BAZ2B: variants seen among roughly 807,000 people sequenced by gnomAD.
BAZ2B encodes the protein bromodomain adjacent to zinc finger domain protein 2B.
BAZ2B carries 91 observed loss-of-function variants against 246.0 expected under a neutral mutation model. The ratio of observed to expected loss-of-function variants is 0.37; its 90% CI spans 0.31 to 0.44. BAZ2B has a LOEUF of 0.44. Ranked by LOEUF, BAZ2B falls within the 20% of genes least tolerant of loss-of-function variation. The probability of loss-of-function intolerance (pLI) is 1.00; values close to 1 mark genes in which losing one functional copy is unlikely to be tolerated. For missense variants in BAZ2B, 2,332 were observed against 2,533.7 expected, an observed-to-expected ratio of 0.92 and a Z score of 1.71; for synonymous variants, 855 against 860.0, an observed-to-expected ratio of 0.99 and a Z score of 0.10.
intron 2 of BAZ2B, among the ~76,000 whole-genome samples, chr2:159,526,386 A>G (rs1029587352): frequency 1.3e-5 from 2 of 152,186 alleles, no homozygotes; most frequent in African/African-American, 4.8e-5. Context: ...GTTCCCATAC[A>G]TGCACATAAA....
At chr2:159,581,798 C>T (rs1200863093) in intron 1 of BAZ2B, among the ~76,000 whole-genome samples, 1 of 151,804 alleles carries the variant, frequency 6.6e-6, no homozygotes, top group Non-Finnish European at 1.5e-5. Flanking sequence ...TGGAAACCAT[C>T]ATTCTGAGCA....
intron 10 of BAZ2B, among the ~76,000 whole-genome samples, chr2:159,429,948 G>T (rs1194722238): frequency 2.0e-5 from 3 of 152,080 alleles, no homozygotes; most frequent in Non-Finnish European, 4.4e-5. Context: ...CATTGAATGA[G>T]AACTGAGAGT....
At chr2:159,445,194 T>G (rs1313735441) in intron 6 of BAZ2B, among the ~76,000 whole-genome samples, 1 of 152,108 alleles carries the variant, frequency 6.6e-6, no homozygotes, top group Admixed American at 6.6e-5. Context: ...ACCCTACTCC[T>G]GGAACCAATG....
intron 1 of BAZ2B, among the ~76,000 whole-genome samples, chr2:159,589,326 C>A (rs7580661): frequency 6.6e-6 from 1 of 151,356 alleles, no homozygotes; most frequent in Non-Finnish European, 1.5e-5. Flanking sequence ...CATTCTAAGC[C>A]AACTTTCATA....
intron 3 of BAZ2B, among the ~76,000 whole-genome samples, chr2:159,474,296 C>A (rs1043386743): frequency 1.3e-5 from 2 of 152,140 alleles, no homozygotes; most frequent in African/African-American, 4.8e-5. Flanking sequence ...GCATTGATCC[C>A]TTTACCATTA....
chr2:159,619,577 T>G (rs1205678680), upstream of BAZ2B, among the ~76,000 whole-genome samples: 1 of 150,640 alleles, frequency 6.6e-6, no homozygotes, highest in Non-Finnish European at 1.5e-5. Context: ...AAAATATATA[T>G]TTAAAATTAT....
At chr2:159,597,779 TTTA>T (rs1276482056) in intron 1 of BAZ2B, among the ~76,000 whole-genome samples, 2 of 152,248 alleles carry the variant, frequency 1.3e-5, no homozygotes, top group East Asian at 1.9e-4. Context: ...TATGTGTATG[TTTA>T]TTGTTACTTT....
chr2:159,709,392 GAGT>G, the BAZ2B span, among the ~76,000 whole-genome samples: 1 of 152,190 alleles, frequency 6.6e-6, no homozygotes, highest in Non-Finnish European at 1.5e-5. Context: ...TTTGATAATA[GAGT>G]AGAATGACTA....
chr2:159,325,473 T>G (rs775875464), intron 35 of BAZ2B, among the ~76,000 whole-genome samples, 180 bp downstream of exon 35: 9 of 151,848 alleles, frequency 5.9e-5, no homozygotes, highest in Non-Finnish European at 1.2e-4. Context: ...AAATTAACAT[T>G]AAAAGAAGAT....
intron 10 of BAZ2B, among the ~76,000 whole-genome samples, chr2:159,429,968 A>T (rs1471889663): frequency 2.0e-5 from 3 of 152,172 alleles, no homozygotes; most frequent in African/African-American, 7.2e-5. Context: ...TAGTTGTGGA[A>T]TATTAAGTGT....
intron 3 of BAZ2B, among the ~76,000 whole-genome samples, chr2:159,456,760 T>G (rs2075823755): frequency 6.6e-6 from 1 of 152,152 alleles, no homozygotes. Context: ...GTCTTACAGG[T>G]CCATTCCTTG....
chr2:159,681,406 C>T, the BAZ2B span, among the ~76,000 whole-genome samples: 3 of 147,440 alleles, frequency 2.0e-5, no homozygotes, highest in Non-Finnish European at 3.0e-5. Context: ...TGACACAATA[C>T]ATAGATATGA....
chr2:159,584,127 G>T (rs72960255), intron 1 of BAZ2B, among the ~76,000 whole-genome samples: 9,794 of 146,234 alleles, frequency 0.067, 446 homozygotes, highest in East Asian at 0.22. Context: ...CTGATTTAGG[G>T]TTTTTTTTTT....
chr2:159,444,638 G>GGT (rs1479839728), intron 6 of BAZ2B: 1 of 152,164 alleles, frequency 6.6e-6, no homozygotes, highest in African/African-American at 2.4e-5. Flanking sequence ...ATTAAAAATT[G>GGT]GTGTATAAGA....
intron 1 of BAZ2B, among the ~76,000 whole-genome samples, chr2:159,593,561 T>G (rs1689895972): frequency 6.6e-6 from 1 of 152,208 alleles, no homozygotes; most frequent in Non-Finnish European, 1.5e-5. Flanking sequence ...TCCAAAAATA[T>G]TAAAATGAAA....
intron 2 of BAZ2B, among the ~76,000 whole-genome samples, chr2:159,527,265 G>A (rs11895164): frequency 0.027 from 4,039 of 152,012 alleles, 184 homozygotes; most frequent in African/African-American, 0.092. Context: ...CCTTTTTGGC[G>A]AAATGAATAT....
the BAZ2B span, among the ~76,000 whole-genome samples, chr2:159,637,061 T>A: frequency 6.6e-6 from 1 of 152,126 alleles, no homozygotes; most frequent in African/African-American, 2.4e-5. Flanking sequence ...GAGTACACAG[T>A]GGGCCTCAGA....
intron 27 of BAZ2B, among the ~76,000 whole-genome samples, chr2:159,367,570 C>T (rs1315722585): frequency 1.3e-5 from 2 of 152,078 alleles, no homozygotes; most frequent in Admixed American, 6.5e-5. Flanking sequence ...ACACATTATA[C>T]TTTTAAGGAA....
the BAZ2B span, among the ~76,000 whole-genome samples, chr2:159,677,797 TG>T: frequency 6.6e-6 from 1 of 152,164 alleles, no homozygotes; most frequent in Non-Finnish European, 1.5e-5. Context: ...TAAAAACAAG[TG>T]GATTTGTTCT....
Sources: allele counts gnomAD v4.1 joint callset (sites outside exome capture counted in the v4.1 genomes callset), GRCh38; gene constraint gnomAD v4.1.1; transcripts MANE v1.5; gene names NCBI Gene and HGNC (gene_info 2026-07-23, HGNC 2026-07-21).